ALDH6A1: variants seen among roughly 807,000 people sequenced by gnomAD.
ALDH6A1 encodes aldehyde dehydrogenase 6 family member A1.
In ALDH6A1, 43 loss-of-function variants were observed where a neutral mutation model predicts 62.6. That is an observed-to-expected ratio of 0.69 (90% CI 0.54 to 0.89). The LOEUF (loss-of-function observed/expected upper bound fraction) is 0.89, where lower values mean the gene tolerates loss of function less well. Among genes scored for constraint, ALDH6A1 ranks in the 40% least tolerant of loss-of-function variants. The pLI is 0.00. For missense variants in ALDH6A1, 551 were observed against 661.3 expected (o/e 0.83, Z 1.83); for synonymous variants, 194 against 234.2 (o/e 0.83, Z 1.57).
Position 74,059,627 on chromosome 14 carries a change from G to A in ALDH6A1, c.*1015C>T, listed in dbSNP as rs144507608. ...GGAGAATCGCTTGAACCTGGGAGGC[G>A]GAGGTTGCGGTGAGCTGAGATCACG... On this transcript the variant is annotated 3_prime_UTR_variant, in exon 12 of 12. Coordinates refer to ENST00000553458, the MANE Select transcript of ALDH6A1 (RefSeq NM_005589.4). 0.011 allele frequency: 2,531 copies of A among 233,632 alleles called. 64 individuals are homozygous for A. The highest frequency in any genetic ancestry group is 0.054 in the African/African-American group (2,341 of 43,012). The allele number at this position is 233,632 out of a possible 1,614,324, so 14.5% of individuals were successfully genotyped here.
chr14:74,073,818 T>A (rs1156959002), intron 2 of ALDH6A1, among the ~76,000 whole-genome samples: 1 of 150,272 alleles, frequency 6.7e-6, no homozygotes, highest in Non-Finnish European at 1.5e-5. Flanking sequence ...TTCGGGAGGT[T>A]GAGGCAGGAG....
chr14:74,066,334 A>G (rs1275282264), intron 9 of ALDH6A1, among the ~76,000 whole-genome samples: 1 of 152,224 alleles, frequency 6.6e-6, no homozygotes, highest in East Asian at 1.9e-4. Context: ...AATTAATCAT[A>G]TATAAAATGA....
In ALDH6A1 at chr14:74,079,874, G is replaced by T. The variant is rs993529527; in HGVS notation, c.48+4473C>A. Among the ~76,000 whole-genome samples, 7 of 151,986 alleles carry T rather than the reference G, an allele frequency of 4.6e-5. No individual in the cohort carries two copies. The East Asian group carries it at 1.4e-3, about 29-fold the overall frequency. ...GTGAGCCACGACATGTGACCTCTACGGATAATTTTAAAAATTAGTTGGGCA... is the reference window on the plus strand; with the variant it reads ...GTGAGCCACGACATGTGACCTCTACTGATAATTTTAAAAATTAGTTGGGCA... On this transcript the variant is annotated intron_variant, in intron 1 of 11. Transcript: ENST00000553458.
At chr14:74,065,037 T>A in intron 10 of ALDH6A1, 117 bp from the exon 11 acceptor site, 1 of 1,373,978 alleles carries the variant, frequency 7.3e-7, no homozygotes, top group Non-Finnish European at 1.0e-6. Context: ...CTCTACCCCA[T>A]GAACTTTCAT....
rs569593728 is a variant in ALDH6A1 at position 74,057,780 on chromosome 14, C to T, written c.*2862G>A. On this transcript the variant is annotated 3_prime_UTR_variant, in exon 12 of 12. Coordinates refer to ENST00000553458, the MANE Select transcript of ALDH6A1 (RefSeq NM_005589.4). ...AAAAAGAAAATACTGACTTTTTAGCCGCGATCACATGAATATAACTGATGA... is the reference window on the plus strand; with the variant it reads ...AAAAAGAAAATACTGACTTTTTAGCTGCGATCACATGAATATAACTGATGA... The T allele has an allele frequency of 2.4e-5, 26 of 1,083,704 alleles. No individual in the cohort carries two copies. The highest frequency in any genetic ancestry group is 1.9e-4 in the Admixed American group (4 of 20,732). The allele number at this position is 1,083,704 out of a possible 1,614,324, so 67.1% of individuals were successfully genotyped here.
Position 74,057,206 on chromosome 14 carries a change from C to T in ALDH6A1, c.*3436G>A. 4 of 1,614,066 alleles carry T rather than the reference C, an allele frequency of 2.5e-6. No individual in the cohort carries two copies. Among genetic ancestry groups the T allele is most frequent in the Non-Finnish European group, 3.4e-6 (4 of 1,179,946 alleles). ...CAGCAAATTGCAATATCAGACTCTT[C>T]TGGTGAAGTGGTGCTACCCACTATT... On this transcript the variant is annotated 3_prime_UTR_variant, in exon 12 of 12. Transcript: ENST00000553458.
intron 2 of ALDH6A1, 50 bp from the exon 3 acceptor site, chr14:74,072,661 A>G (rs372474820): frequency 8.8e-6 from 14 of 1,592,528 alleles, no homozygotes; most frequent in African/African-American, 1.3e-5. Context: ...GAAACTTTGT[A>G]TTAGCTAATT....
chr14:74,074,564 T>C (rs2060591113), intron 2 of ALDH6A1, among the ~76,000 whole-genome samples: 1 of 152,134 alleles, frequency 6.6e-6, no homozygotes, highest in Non-Finnish European at 1.5e-5. Context: ...GGACACTAAA[T>C]TTTTAAAGCG....
rs1464567920 is a variant in ALDH6A1, at chr14:74,057,520, A to G, written c.*3122T>C. 4.4e-6 allele frequency: 6 copies of G among 1,367,580 alleles called. No individual in the cohort carries two copies. The highest frequency in any genetic ancestry group is 5.7e-6 in the Non-Finnish European group (6 of 1,055,616). The allele number at this position is 1,367,580 out of a possible 1,614,324, so 84.7% of individuals were successfully genotyped here. A position where few individuals can be genotyped will look rare whatever the true frequency, so the allele number is the denominator to read the frequency against. On this transcript the variant is annotated 3_prime_UTR_variant, in exon 12 of 12. Transcript: ENST00000553458. Reference sequence around the variant, plus strand: ...CCTTTTGAAGTAAACAGCCTAGCCAAAATGTGTACTATCTTTTACGTAAGA... The same window carrying G: ...CCTTTTGAAGTAAACAGCCTAGCCAGAATGTGTACTATCTTTTACGTAAGA...
At chr14:74,083,865 C>T (rs1048540262) in intron 1 of ALDH6A1, among the ~76,000 whole-genome samples, 9 of 152,162 alleles carry the variant, frequency 5.9e-5, no homozygotes, top group African/African-American at 2.2e-4. Flanking sequence ...CCCCTCGCGT[C>T]CCCCCTCCCC....
Position 74,068,989 on chromosome 14 carries a change from A to G in ALDH6A1, c.731-8T>C. ...CGCAAATAAAATTTACAGCTTTAAGAAGAAAATAAATGATCACTCACAAAG... is the reference window on the plus strand; with the variant it reads ...CGCAAATAAAATTTACAGCTTTAAGGAGAAAATAAATGATCACTCACAAAG... On this transcript the variant is annotated splice_polypyrimidine_tract_variant and splice_region_variant and intron_variant, in intron 6 of 11. Transcript: ENST00000553458. 6.2e-7 allele frequency: 1 copy of G among 1,613,610 alleles called. No homozygotes were observed.
intron 1 of ALDH6A1, among the ~76,000 whole-genome samples, chr14:74,080,826 G>T (rs148696746): frequency 4.6e-5 from 7 of 152,268 alleles, no homozygotes; most frequent in African/African-American, 1.7e-4. Context: ...TTATTCCCTT[G>T]TTTAAAATTC....
chr14:74,071,950 A>G lies in ALDH6A1; in HGVS notation c.373T>C (p.Leu125=). ...TCAGCTAGGGTCTTCCCTTGTTCCA[A>G]TGTGATTAACTTGGCAATTTCTTTC... ...NLKEIAKLIT[L]EQGKTLADAE... Residue 125 remains leucine, a synonymous_variant, in exon 5 of 12, where the codon TTG becomes CTG. Transcript: ENST00000553458. The G allele has an allele frequency of 1.2e-6, 2 of 1,614,180 alleles. No homozygotes were observed. Among genetic ancestry groups the G allele is most frequent in the East Asian group, 2.2e-5 (1 of 44,886 alleles).
intron 7 of ALDH6A1, 76 bp downstream of exon 7, chr14:74,068,784 T>A: frequency 6.5e-7 from 1 of 1,542,540 alleles, no homozygotes; most frequent in Non-Finnish European, 8.9e-7. Flanking sequence ...ATGAGTGGCC[T>A]CTCTGCTGAA....
intron 2 of ALDH6A1, 114 bp from the exon 3 acceptor site, chr14:74,072,725 G>A (rs1430604950): frequency 1.4e-5 from 16 of 1,152,124 alleles, no homozygotes; most frequent in Admixed American, 6.0e-5. Flanking sequence ...AGTTGATAAC[G>A]GAATCTTCTG....
chr14:74,074,093 C>T (rs1379406444), intron 2 of ALDH6A1, among the ~76,000 whole-genome samples: 1 of 150,244 alleles, frequency 6.7e-6, no homozygotes, highest in Non-Finnish European at 1.5e-5. Flanking sequence ...CAAGCAGTCC[C>T]TCTACCTCAC....
rs146306002 is a variant in ALDH6A1 at position 74,059,610 on chromosome 14, G to A, written c.*1032C>T. On this transcript the variant is annotated 3_prime_UTR_variant, in exon 12 of 12. Transcript: ENST00000553458. ...CTAGGGGGGCTGAGGCAGGAGAATC[G>A]CTTGAACCTGGGAGGCGGAGGTTGC... 0.016 allele frequency: 3,831 copies of A among 244,278 alleles called. 144 individuals carry two copies. Among genetic ancestry groups the A allele is most frequent in the African/African-American group, 0.081 (3,478 of 43,202 alleles). The allele number at this position is 244,278 out of a possible 1,614,324, so 15.1% of individuals were successfully genotyped here.
At chr14:74,075,555 G>A (rs2060603379) in intron 1 of ALDH6A1, among the ~76,000 whole-genome samples, 1 of 152,022 alleles carries the variant, frequency 6.6e-6, no homozygotes, top group African/African-American at 2.4e-5. Flanking sequence ...TACTAGGGAG[G>A]CCAAGGTGGG....
intron 1 of ALDH6A1, among the ~76,000 whole-genome samples, chr14:74,080,368 CTT>C (rs35450547): frequency 1.2e-4 from 15 of 128,960 alleles, no homozygotes; most frequent in Admixed American, 2.4e-4. Flanking sequence ...TAAACTCTTT[CTT>C]TTTTTTTTTT....
Sources: gnomAD v4.1 joint callset for allele counts (sites outside exome capture counted in the v4.1 genomes callset) on GRCh38, gnomAD v4.1.1 for gene constraint, MANE v1.5 for transcripts, NCBI Gene and HGNC (gene_info 2026-07-23, HGNC 2026-07-21) for gene names.